Variants in C1GALT1 observed in about 807,000 individuals in gnomAD.
C1GALT1 encodes glycoprotein-N-acetylgalactosamine 3-beta-galactosyltransferase 1.
A neutral mutation model predicts 31.0 loss-of-function variants in C1GALT1; 11 were observed. The ratio of observed to expected loss-of-function variants is 0.36; its 90% CI spans 0.22 to 0.59. C1GALT1 has a LOEUF of 0.59. Ranked by LOEUF, C1GALT1 falls within the 20% of genes least tolerant of loss-of-function variation. The pLI, the probability that C1GALT1 is intolerant of heterozygous loss-of-function variation, is 0.79. For missense variants in C1GALT1, 424 were observed against 425.2 expected, an observed-to-expected ratio of 1.00 and a Z score of 0.03; for synonymous variants, 175 against 143.6, an observed-to-expected ratio of 1.22 and a Z score of -1.56.
intron 1 of C1GALT1, among the ~76,000 whole-genome samples, chr7:7,188,346 T>A (rs966973921): frequency 2.0e-5 from 3 of 152,230 alleles, no homozygotes; most frequent in African/African-American, 7.2e-5. Context: ...AGGTGTTGAA[T>A]TAGAGATGCC....
At chr7:7,243,420 A>G (rs112532087) in intron 3 of C1GALT1, 104 bp from the exon 4 acceptor site, 1 of 936,542 alleles carries the variant, frequency 1.1e-6, no homozygotes. Flanking sequence ...GCCATCTTTA[A>G]TGTTTGTATT....
chr7:7,186,257 A>G (rs573399543), intron 1 of C1GALT1, among the ~76,000 whole-genome samples: 40 of 152,306 alleles, frequency 2.6e-4, no homozygotes, highest in African/African-American at 8.4e-4. Context: ...CCAGCTCTCA[A>G]TACTGCCACA....
At chr7:7,215,719 T>C (rs1026055372) in intron 1 of C1GALT1, among the ~76,000 whole-genome samples, 4 of 106,916 alleles carry the variant, frequency 3.7e-5, no homozygotes, top group African/African-American at 1.6e-4. Context: ...GTAGGAGACA[T>C]ATTGCTTATC....
chr7:7,194,427 A>G (rs1482728702), intron 1 of C1GALT1, among the ~76,000 whole-genome samples: 2 of 152,066 alleles, frequency 1.3e-5, no homozygotes, highest in African/African-American at 4.8e-5. Context: ...GTCTATTGAG[A>G]TGATTATGTG....
At position 7,163,670 on chromosome 7, in the gene C1GALT1, TA is replaced by T. The variant is rs542947799; in HGVS notation, c.-18+6246del. Among the ~76,000 whole-genome samples the T allele has an allele frequency of 3.5e-3, 528 of 152,078 alleles. 5 individuals carry two copies. Among genetic ancestry groups the T allele is most frequent in the African/African-American group, 0.012 (510 of 41,466 alleles). ...AATCACAAGCATTCTTATACACCAATAACAGACAAACAGAGAGCCAAACCAT... is the reference window on the plus strand; with the variant it reads ...AATCACAAGCATTCTTATACACCAATACAGACAAACAGAGAGCCAAACCAT... On this transcript the variant is annotated intron_variant, in intron 2 of 3. Transcript: ENST00000429911.
At chr7:7,203,904 C>T (rs561355043) in intron 1 of C1GALT1, among the ~76,000 whole-genome samples, 3 of 152,084 alleles carry the variant, frequency 2.0e-5, no homozygotes, top group African/African-American at 7.2e-5. Context: ...AATACAATAA[C>T]TTATTTCTCC....
chr7:7,224,798 A>T (rs1443524923), intron 1 of C1GALT1, among the ~76,000 whole-genome samples: 4 of 152,162 alleles, frequency 2.6e-5, no homozygotes, highest in Non-Finnish European at 5.9e-5. Context: ...TCAGGGGTAC[A>T]TATACAGGTT....
intron 1 of C1GALT1, among the ~76,000 whole-genome samples, chr7:7,190,263 AC>A (rs1781007331): frequency 1.3e-5 from 2 of 152,156 alleles, no homozygotes; most frequent in Admixed American, 6.5e-5. Context: ...GGGTTAATAA[AC>A]ATCAGGCCTG....
At chr7:7,208,200 G>A (rs985903933) in intron 1 of C1GALT1, among the ~76,000 whole-genome samples, 4 of 151,364 alleles carry the variant, frequency 2.6e-5, no homozygotes, top group Non-Finnish European at 5.9e-5. Flanking sequence ...ATAAAGTTAA[G>A]GTTCAATAAA....
At chr7:7,199,662 T>A (rs1451156594) in intron 1 of C1GALT1, among the ~76,000 whole-genome samples, 1 of 152,216 alleles carries the variant, frequency 6.6e-6, no homozygotes, top group Non-Finnish European at 1.5e-5. Context: ...CCATTATTAT[T>A]GTGTGGGAGT....
chr7:7,214,459 C>T (rs570936419), intron 1 of C1GALT1, among the ~76,000 whole-genome samples: 2 of 152,244 alleles, frequency 1.3e-5, no homozygotes, highest in African/African-American at 4.8e-5. Context: ...TTTAAGTATA[C>T]CTATAACTTG....
chr7:7,168,441 T>C (rs1312413932), intron 2 of C1GALT1, among the ~76,000 whole-genome samples: 4 of 152,188 alleles, frequency 2.6e-5, no homozygotes, highest in African/African-American at 9.7e-5. Flanking sequence ...TTCAAGTAAC[T>C]TTCATGGGAA....
chr7:7,246,353 T>G lies in C1GALT1; in HGVS notation c.*2626T>G, dbSNP rs1305180520. ...TCATGTAGCATTATTTCCATTTTTA[T>G]GTATATGATATATGACGTCTGATGC... On this transcript the variant is annotated 3_prime_UTR_variant, in exon 4 of 4. Coordinates refer to ENST00000436587, the MANE Select transcript of C1GALT1 (RefSeq NM_020156.5). The G allele has an allele frequency of 6.6e-6, 1 of 152,188 alleles. No homozygotes were observed. Among genetic ancestry groups the G allele is most frequent in the Non-Finnish European group, 1.5e-5 (1 of 68,020 alleles). 9.4% of individuals were successfully genotyped at this position (152,188 alleles called of 1,614,324 possible).
At chr7:7,176,393 G>A (rs1780506715) in intron 2 of C1GALT1, among the ~76,000 whole-genome samples, 1 of 152,120 alleles carries the variant, frequency 6.6e-6, no homozygotes, top group Admixed American at 6.5e-5. Flanking sequence ...ACTCCTTTGG[G>A]ATTTCAAACT....
chr7:7,184,358 G>A (rs1164722611), intron 1 of C1GALT1, among the ~76,000 whole-genome samples: 3 of 152,022 alleles, frequency 2.0e-5, no homozygotes, highest in Non-Finnish European at 4.4e-5. Flanking sequence ...GTATTTTTTT[G>A]TATCTTCCTA....
Position 7,244,098 on chromosome 7 carries a change from A to T in C1GALT1, c.*371A>T, listed in dbSNP as rs1783751897. ...ACACTGCACCATGTTAGTAATAAAC[A>T]GATCTGCCTTAAAGAAAAGAAAATT... On this transcript the variant is annotated 3_prime_UTR_variant, in exon 4 of 4. Transcript: ENST00000436587. 6.3e-6 allele frequency: 1 copy of T among 157,762 alleles called. No homozygotes were observed. Among genetic ancestry groups the T allele is most frequent in the Non-Finnish European group, 1.4e-5 (1 of 71,610 alleles). 9.8% of individuals were successfully genotyped at this position (157,762 alleles called of 1,614,324 possible). A position where few individuals can be genotyped will look rare whatever the true frequency, so the allele number is the denominator to read the frequency against.
Position 7,244,759 on chromosome 7 carries a change from A to G in C1GALT1, c.*1032A>G, listed in dbSNP as rs1314715156. On this transcript the variant is annotated 3_prime_UTR_variant, in exon 4 of 4. Transcript: ENST00000436587. ...AAGCAGAGTTTTAAAATTAGTTTAT[A>G]GGATCTGAGGTGGCTATTAGTTACA... 6.6e-6 allele frequency: 1 copy of G among 152,214 alleles called. No individual in the cohort carries two copies. Among genetic ancestry groups the G allele is most frequent in the Non-Finnish European group, 1.5e-5 (1 of 68,022 alleles). The allele number at this position is 152,214 out of a possible 1,614,324, so 9.4% of individuals were successfully genotyped here.
intron 1 of C1GALT1, among the ~76,000 whole-genome samples, chr7:7,198,986 C>T (rs1381431389): frequency 6.6e-6 from 1 of 152,118 alleles, no homozygotes; most frequent in African/African-American, 2.4e-5. Context: ...AAAAAACCAG[C>T]TCCTGGATTC....
intron 1 of C1GALT1, among the ~76,000 whole-genome samples, chr7:7,208,769 C>A (rs1333018875): frequency 6.6e-6 from 1 of 152,198 alleles, no homozygotes; most frequent in African/African-American, 2.4e-5. Flanking sequence ...CCCACCCTAA[C>A]TCCCACAGCT....
Sources: gnomAD v4.1 joint callset for allele counts (sites outside exome capture counted in the v4.1 genomes callset) on GRCh38, gnomAD v4.1.1 for gene constraint, MANE v1.5 for transcripts, NCBI Gene and HGNC (gene_info 2026-07-23, HGNC 2026-07-21) for gene names.